The following CHD6 variants were observed in gnomAD, a reference collection of about 807,000 sequenced individuals.
CHD6 encodes the protein chromodomain helicase DNA binding protein 6.
In CHD6, 50 loss-of-function variants were observed where a neutral mutation model predicts 276.9. The observed-to-expected ratio is 0.18, with a 90% CI of 0.14 to 0.23. CHD6 has a LOEUF of 0.23. Ranked by LOEUF, CHD6 falls within the 10% of genes least tolerant of loss-of-function variation. The probability of loss-of-function intolerance (pLI) is 1.00; values close to 1 mark genes in which losing one functional copy is unlikely to be tolerated. For missense variants in CHD6, 2,564 were observed against 3,365.8 expected (o/e 0.76, Z 5.89); for synonymous variants, 1,173 against 1,229.3 (o/e 0.95, Z 0.96).
At chr20:41,408,498 C>G (rs796530704) in intron 36 of CHD6, among the ~76,000 whole-genome samples, 1 of 152,324 alleles carries the variant, frequency 6.6e-6, no homozygotes, top group African/African-American at 2.4e-5. Flanking sequence ...TCTCACCAGT[C>G]TGTCTTGAGC....
chr20:41,441,305 G>A (rs970857732), intron 25 of CHD6, among the ~76,000 whole-genome samples: 2 of 152,174 alleles, frequency 1.3e-5, no homozygotes, highest in African/African-American at 4.8e-5. Flanking sequence ...AGATGAGTCG[G>A]TTTTGCCTAG....
chr20:41,583,015 T>C (rs1173423800), intron 1 of CHD6, among the ~76,000 whole-genome samples: 3 of 151,988 alleles, frequency 2.0e-5, no homozygotes, highest in Non-Finnish European at 4.4e-5. Context: ...TGGCATCATA[T>C]ACATGTAACT....
chr20:41,417,061 T>C lies in CHD6; in HGVS notation c.6279+137A>G, dbSNP rs186436310. 7.7e-5 allele frequency: 64 copies of C among 828,144 alleles called. No homozygotes were observed. The Admixed American group carries it at 1.8e-3, about 23-fold the overall frequency. The allele number at this position is 828,144 out of a possible 1,614,324, so 51.3% of individuals were successfully genotyped here. On this transcript the variant is annotated intron_variant, in intron 32 of 36. Transcript: ENST00000373233. ...GCATGTATCTTTAATGTTCAAATGCTACATAACTAATATCTTTTAAAGGTA... is the reference window on the plus strand; with the variant it reads ...GCATGTATCTTTAATGTTCAAATGCCACATAACTAATATCTTTTAAAGGTA...
intron 1 of CHD6, chr20:41,563,903 G>C (rs2045327999): frequency 1.7e-6 from 1 of 600,134 alleles, no homozygotes; most frequent in Admixed American, 3.3e-5. Context: ...GAAGACAAAG[G>C]GTTTTACAAA....
Position 41,551,304 on chromosome 20 carries a change from C to T in CHD6, c.33+1G>A. The stretch of plus-strand genomic sequence containing the variant: ...CACTTAAAAGAAAAGTGATCACTTA[C>T]CTGCTTCTCTTTTTTCTGTATTTTC... On this transcript the variant is annotated splice_donor_variant, in intron 2 of 36. Coordinates refer to ENST00000373233, the MANE Select transcript of CHD6 (RefSeq NM_032221.5). LOFTEE classifies it high-confidence loss of function. 1 of 1,481,740 alleles carries T rather than the reference C, an allele frequency of 6.7e-7. No individual in the cohort carries two copies. The highest frequency in any genetic ancestry group is 9.4e-7 in the Non-Finnish European group (1 of 1,068,972). 91.8% of individuals were successfully genotyped at this position (1,481,740 alleles called of 1,614,324 possible). A position where few individuals can be genotyped will look rare whatever the true frequency, so the allele number is the denominator to read the frequency against.
At position 41,546,353 on chromosome 20, in the gene CHD6, G is replaced by A. The variant is rs1010776431; in HGVS notation, c.33+4952C>T. ...TGGGGTCAGGAAGCAAGATTCTCCCGTAGTTACTCAAGTCAGCTCCAAGCC... is the reference window on the plus strand; with the variant it reads ...TGGGGTCAGGAAGCAAGATTCTCCCATAGTTACTCAAGTCAGCTCCAAGCC... On this transcript the variant is annotated intron_variant, in intron 2 of 36. Transcript: ENST00000373233. 7.9e-5 allele frequency among the ~76,000 whole-genome samples: 12 copies of A among 152,094 alleles called. No individual in the cohort carries two copies. In the East Asian group the frequency reaches 2.1e-3, roughly 27 times the overall value.
chr20:41,476,663 T>C (rs1255800076), intron 16 of CHD6, among the ~76,000 whole-genome samples: 1 of 152,132 alleles, frequency 6.6e-6, no homozygotes, highest in African/African-American at 2.4e-5. Flanking sequence ...CTGTAATACC[T>C]ACAGAGGTTC....
chr20:41,518,266 T>A (rs890160713), intron 3 of CHD6, among the ~76,000 whole-genome samples: 15 of 152,250 alleles, frequency 9.9e-5, no homozygotes, highest in Admixed American at 9.8e-4. Context: ...TCATTTTAAA[T>A]ATTTATTGTG....
intron 16 of CHD6, among the ~76,000 whole-genome samples, chr20:41,483,059 T>C (rs577305498): frequency 9.9e-5 from 15 of 152,192 alleles, no homozygotes; most frequent in East Asian, 3.8e-4. Context: ...TAAATAAATA[T>C]GTGGAATTTT....
At chr20:41,483,241 G>T in intron 16 of CHD6, 68 bp downstream of exon 16, 3 of 1,385,210 alleles carry the variant, frequency 2.2e-6, no homozygotes, top group Non-Finnish European at 2.9e-6. Flanking sequence ...TTTTTGAATG[G>T]ATCAAAAAAA....
At chr20:41,597,954 T>C (rs188910983) in intron 1 of CHD6, among the ~76,000 whole-genome samples, 156 of 152,286 alleles carry the variant, frequency 1.0e-3, no homozygotes, top group African/African-American at 3.5e-3. Context: ...TTTAAAATTC[T>C]GTTAACTGGG....
chr20:41,536,588 G>GT (rs2044835952), intron 2 of CHD6, among the ~76,000 whole-genome samples: 1 of 152,118 alleles, frequency 6.6e-6, no homozygotes, highest in African/African-American at 2.4e-5. Flanking sequence ...AATAATGAGC[G>GT]TATCTGCTAC....
intron 2 of CHD6, among the ~76,000 whole-genome samples, chr20:41,547,098 TTAA>T (rs2045057324): frequency 1.3e-5 from 2 of 152,174 alleles, no homozygotes; most frequent in Non-Finnish European, 2.9e-5. Context: ...GGAAAGTGAA[TTAA>T]TAGGAATGAG....
rs1486302216 is a variant in CHD6 at position 41,514,792 on chromosome 20, G to A, written c.702+13C>T. The A allele has an allele frequency of 4.3e-6, 7 of 1,612,642 alleles. No homozygotes were observed. The highest frequency in any genetic ancestry group is 5.9e-6 in the Non-Finnish European group (7 of 1,179,418). ...GCCGTAATCTCCACCAGGCCTCCCG[G>A]TCACAGCTGTACCTGGCTGTCTGTA... On this transcript the variant is annotated intron_variant, in intron 4 of 36. Coordinates refer to ENST00000373233, the MANE Select transcript of CHD6 (RefSeq NM_032221.5).
intron 1 of CHD6, among the ~76,000 whole-genome samples, chr20:41,576,410 G>T (rs1426977658): frequency 6.6e-6 from 1 of 152,216 alleles, no homozygotes; most frequent in Non-Finnish European, 1.5e-5. Flanking sequence ...CACAGGCCAG[G>T]CGTGGTGGCT....
At chr20:41,547,694 C>T in intron 2 of CHD6, 1 of 696,914 alleles carries the variant, frequency 1.4e-6, no homozygotes, top group Non-Finnish European at 2.4e-6. Flanking sequence ...CACCAATAGA[C>T]AGAAAGAAAC....
chr20:41,416,896 A>C (rs2047016868), intron 32 of CHD6, 102 bp from the exon 33 acceptor site: 2 of 991,116 alleles, frequency 2.0e-6, no homozygotes, highest in Admixed American at 6.2e-5. Flanking sequence ...AGGAGTCGAT[A>C]AGAAAAGAGC....
At chr20:41,536,284 G>A (rs1349184942) in intron 2 of CHD6, among the ~76,000 whole-genome samples, 1 of 152,204 alleles carries the variant, frequency 6.6e-6, no homozygotes, top group Non-Finnish European at 1.5e-5. Context: ...AAACAGGAAT[G>A]AAATGGACAG....
chr20:41,497,885 C>T (rs2043726961), intron 7 of CHD6: 1 of 446,668 alleles, frequency 2.2e-6, no homozygotes, highest in Non-Finnish European at 4.1e-6. Flanking sequence ...TGAGAATTGC[C>T]CAAGGAGTTT....
Sources: allele counts gnomAD v4.1 joint callset (sites outside exome capture counted in the v4.1 genomes callset), GRCh38; gene constraint gnomAD v4.1.1; transcripts MANE v1.5; gene names NCBI Gene and HGNC (gene_info 2026-07-23, HGNC 2026-07-21).